The following NPAS3 variants were observed in gnomAD, a reference collection of about 807,000 sequenced individuals.
NPAS3 encodes neuronal PAS domain-containing protein 3.
Under a neutral mutation model 73.1 loss-of-function variants are expected in NPAS3, and 14 were observed. That is an observed-to-expected ratio of 0.19 (90% CI 0.13 to 0.30). NPAS3 has a LOEUF of 0.30. NPAS3 is among the 10% of genes least tolerant of loss of function. NPAS3 has a pLI of 1.00. For missense variants in NPAS3, 1,096 were observed against 1,250.0 expected (o/e 0.88, Z 1.86); for synonymous variants, 620 against 541.5 (o/e 1.14, Z -2.01).
intron 2 of NPAS3, among the ~76,000 whole-genome samples, chr14:33,103,103 G>A (rs867701513): frequency 6.6e-6 from 1 of 152,160 alleles, no homozygotes; most frequent in Non-Finnish European, 1.5e-5. Flanking sequence ...ACCTTATGAG[G>A]AATGTGTTTT....
chr14:33,219,339 T>C (rs1406101325), intron 3 of NPAS3, among the ~76,000 whole-genome samples: 5 of 152,230 alleles, frequency 3.3e-5, no homozygotes. Context: ...TTTAAGAGTC[T>C]GTCGTCTGCT....
intron 4 of NPAS3, among the ~76,000 whole-genome samples, chr14:33,554,206 C>A (rs982237662): frequency 2.6e-5 from 4 of 152,162 alleles, no homozygotes; most frequent in South Asian, 4.1e-4. Context: ...TTATTAACAG[C>A]AAAGCTGTCT....
chr14:33,791,959 A>G (rs1384884066), intron 9 of NPAS3, among the ~76,000 whole-genome samples: 1 of 152,190 alleles, frequency 6.6e-6, no homozygotes, highest in Non-Finnish European at 1.5e-5. Flanking sequence ...CCAACCACTG[A>G]TTGGGGTGCT....
In NPAS3 at chr14:33,660,817, A is replaced by T. The variant is rs147301539; in HGVS notation, c.559-15394A>T. 2.9e-3 allele frequency among the ~76,000 whole-genome samples: 445 copies of T among 152,328 alleles called. 3 individuals carry two copies. The highest frequency in any genetic ancestry group is 9.9e-3 in the African/African-American group (412 of 41,574). ...CTGTTTTATTCGTCTCTGTTTTCGGACAGCACATTTACATACTCTCGAAGG... is the reference window on the plus strand; with the variant it reads ...CTGTTTTATTCGTCTCTGTTTTCGGTCAGCACATTTACATACTCTCGAAGG... On this transcript the variant is annotated intron_variant, in intron 5 of 11. Transcript: ENST00000356141.
chr14:33,313,974 A>G (rs1566787424), intron 3 of NPAS3, among the ~76,000 whole-genome samples: 2 of 152,104 alleles, frequency 1.3e-5, no homozygotes, highest in African/African-American at 4.8e-5. Context: ...TCCAATGTAC[A>G]TAGCCTAGGT....
chr14:33,794,173 C>T (rs1382882796), intron 10 of NPAS3, 129 bp downstream of exon 10: 2 of 756,328 alleles, frequency 2.6e-6, no homozygotes, highest in Non-Finnish European at 4.3e-6. Context: ...AATTTCATGG[C>T]AATTCTGCTG....
At position 33,682,572 on chromosome 14, in the gene NPAS3, A is replaced by G. The variant is rs1020575827; in HGVS notation, c.733+6187A>G. Among the ~76,000 whole-genome samples the G allele has an allele frequency of 5.3e-5, 8 of 152,180 alleles. 1 individual carries two copies. The highest frequency in any genetic ancestry group is 1.2e-4 in the Non-Finnish European group (8 of 68,020). ...ATGATTCTTTTGCCTCAAAAAAGCT[A>G]CCTTGATGCAGTACCATTTTTTCAT... is the stretch of plus-strand genomic sequence containing the variant. On this transcript the variant is annotated intron_variant, in intron 6 of 11. Transcript: ENST00000356141.
At chr14:33,102,988 C>G (rs930464762) in intron 2 of NPAS3, among the ~76,000 whole-genome samples, 4 of 152,108 alleles carry the variant, frequency 2.6e-5, no homozygotes, top group African/African-American at 9.7e-5. Context: ...TAGTAAGTGT[C>G]TGGTTCCTTT....
intron 4 of NPAS3, among the ~76,000 whole-genome samples, chr14:33,446,944 A>T (rs1594924955): frequency 6.6e-6 from 1 of 152,246 alleles, no homozygotes; most frequent in Admixed American, 6.5e-5. Flanking sequence ...CTACGTTTGT[A>T]TGTAGCTACC....
At chr14:33,609,138 C>G (rs2057669660) in intron 5 of NPAS3, among the ~76,000 whole-genome samples, 1 of 151,968 alleles carries the variant, frequency 6.6e-6, no homozygotes. Context: ...TCCTCATTCT[C>G]TCGTTAAATT....
intron 7 of NPAS3, among the ~76,000 whole-genome samples, chr14:33,751,500 C>T (rs1266566018): frequency 6.6e-6 from 1 of 152,110 alleles, no homozygotes; most frequent in Non-Finnish European, 1.5e-5. Flanking sequence ...GCTGGCATTG[C>T]AAAATGCATC....
intron 7 of NPAS3, among the ~76,000 whole-genome samples, chr14:33,746,950 T>G (rs2140731547): frequency 6.7e-6 from 1 of 149,090 alleles, no homozygotes; most frequent in Non-Finnish European, 1.5e-5. Context: ...TGTGTCCATG[T>G]GATCTCATTG....
At chr14:33,327,037 A>G (rs1041261836) in intron 3 of NPAS3, among the ~76,000 whole-genome samples, 9 of 152,222 alleles carry the variant, frequency 5.9e-5, no homozygotes, top group African/African-American at 2.2e-4. Context: ...TTAATATGAT[A>G]GTGTTTCTTT....
intron 1 of NPAS3, among the ~76,000 whole-genome samples, chr14:32,942,442 T>C (rs2036057591): frequency 6.6e-6 from 1 of 152,222 alleles, no homozygotes; most frequent in East Asian, 1.9e-4. Context: ...TTTCTCTGAA[T>C]TACATATACA....
At chr14:33,672,755 A>G (rs1279362381) in intron 5 of NPAS3, among the ~76,000 whole-genome samples, 1 of 152,048 alleles carries the variant, frequency 6.6e-6, no homozygotes, top group Non-Finnish European at 1.5e-5. Context: ...TGGACTGAGA[A>G]TTAGACAGTT....
intron 4 of NPAS3, among the ~76,000 whole-genome samples, chr14:33,376,588 C>A (rs1424049321): frequency 6.6e-6 from 1 of 152,110 alleles, no homozygotes; most frequent in Admixed American, 6.6e-5. Context: ...TCACAGTTAA[C>A]CTCAGAGCCA....
At chr14:33,673,119 G>C (rs1220384838) in intron 5 of NPAS3, among the ~76,000 whole-genome samples, 1 of 152,188 alleles carries the variant, frequency 6.6e-6, no homozygotes, top group Non-Finnish European at 1.5e-5. Flanking sequence ...GGATTGGCAG[G>C]CTGCCTGCCC....
intron 3 of NPAS3, among the ~76,000 whole-genome samples, chr14:33,354,149 G>T (rs1034200396): frequency 2.6e-5 from 4 of 152,110 alleles, no homozygotes; most frequent in Non-Finnish European, 5.9e-5. Flanking sequence ...GCTTCTCAGG[G>T]TATAGACATC....
chr14:33,742,343 A>G (rs545284989), intron 7 of NPAS3, among the ~76,000 whole-genome samples: 25 of 152,326 alleles, frequency 1.6e-4, no homozygotes, highest in African/African-American at 6.0e-4. Context: ...TCTTGGAGAT[A>G]CTGTGGGTTT....
Sources: gnomAD v4.1 joint callset for allele counts (sites outside exome capture counted in the v4.1 genomes callset) on GRCh38, gnomAD v4.1.1 for gene constraint, MANE v1.5 for transcripts, NCBI Gene and HGNC (gene_info 2026-07-23, HGNC 2026-07-21) for gene names.